TMEM108: variants seen among roughly 807,000 people sequenced by gnomAD.
The protein encoded by TMEM108 is transmembrane protein 108, also known as cancer/testis antigen 124.
Under a neutral mutation model 35.1 loss-of-function variants are expected in TMEM108, and 12 were observed. The ratio of observed to expected loss-of-function variants is 0.34; its 90% CI spans 0.22 to 0.55. The LOEUF (loss-of-function observed/expected upper bound fraction) is 0.55, where lower values mean the gene tolerates loss of function less well. Among genes scored for constraint, TMEM108 ranks in the 20% least tolerant of loss-of-function variants. The probability of loss-of-function intolerance (pLI) is 0.89; values close to 1 mark genes in which losing one functional copy is unlikely to be tolerated. For missense variants in TMEM108, 680 were observed against 753.3 expected, an observed-to-expected ratio of 0.90 and a Z score of 1.14; for synonymous variants, 287 against 308.6, an observed-to-expected ratio of 0.93 and a Z score of 0.73.
intron 3 of TMEM108, among the ~76,000 whole-genome samples, chr3:133,244,083 C>G (rs1432949519): frequency 1.3e-5 from 2 of 152,108 alleles, no homozygotes; most frequent in African/African-American, 4.8e-5. Flanking sequence ...CATCGGGTGA[C>G]AGAGTATTAT....
At chr3:133,227,690 A>G (rs1273080940) in intron 2 of TMEM108, among the ~76,000 whole-genome samples, 1 of 151,440 alleles carries the variant, frequency 6.6e-6, no homozygotes, top group Non-Finnish European at 1.5e-5. Context: ...AGGTCAGGAG[A>G]TCAAGACCAT....
intron 3 of TMEM108, among the ~76,000 whole-genome samples, chr3:133,235,388 C>T (rs1946220715): frequency 6.6e-6 from 1 of 152,180 alleles, no homozygotes; most frequent in Non-Finnish European, 1.5e-5. Flanking sequence ...CAGCATGGTA[C>T]TAGTACCAAA....
At chr3:133,350,969 T>C (rs1439500627) in intron 3 of TMEM108, among the ~76,000 whole-genome samples, 1 of 152,144 alleles carries the variant, frequency 6.6e-6, no homozygotes, top group Non-Finnish European at 1.5e-5. Flanking sequence ...TAAGTTATAT[T>C]ACAAAGCCTG....
At chr3:133,142,118 G>T (rs1944650035) in intron 2 of TMEM108, among the ~76,000 whole-genome samples, 1 of 152,074 alleles carries the variant, frequency 6.6e-6, no homozygotes, top group African/African-American at 2.4e-5. Flanking sequence ...ATTCTGGGGG[G>T]CAAAATTGTC....
At chr3:133,275,632 T>A (rs1052295027) in intron 3 of TMEM108, among the ~76,000 whole-genome samples, 3 of 152,230 alleles carry the variant, frequency 2.0e-5, no homozygotes, top group African/African-American at 7.2e-5. Flanking sequence ...GAATTTTTTA[T>A]GTTTTAAAAT....
chr3:133,063,962 A>G (rs1359875862), intron 2 of TMEM108, among the ~76,000 whole-genome samples: 2 of 152,186 alleles, frequency 1.3e-5, no homozygotes, highest in Non-Finnish European at 1.5e-5. Context: ...CACCACATAG[A>G]CAGCATTCCC....
At chr3:133,360,550 C>T (rs1008376105) in intron 3 of TMEM108, among the ~76,000 whole-genome samples, 1 of 152,160 alleles carries the variant, frequency 6.6e-6, no homozygotes, top group African/African-American at 2.4e-5. Context: ...TGCATTTGTT[C>T]TTTGTCCAAG....
intron 2 of TMEM108, among the ~76,000 whole-genome samples, chr3:133,176,516 G>C (rs1482652751): frequency 6.6e-6 from 1 of 152,126 alleles, no homozygotes; most frequent in Non-Finnish European, 1.5e-5. Context: ...CAGAAACTCA[G>C]TCAAAACTAC....
rs563084727 is a variant in TMEM108, at chr3:133,380,869, A to G, written c.1158A>G (p.Pro386=). ...PQGASTTPQA[P]THPSRVSEST... ...GAGCATCCACAACCCCACAAGCTCC[A>G]ACCCATCCCTCCAGGGTCTCAGAAA... is the stretch of plus-strand genomic sequence containing the variant. The change falls in exon 4 of 6, where the codon CCA becomes CCG. Residue 386 remains proline (P), a synonymous_variant. Coordinates refer to ENST00000321871, the MANE Select transcript of TMEM108 (RefSeq NM_023943.4). This position sits in a 1 kb window ranked among gnomAD's most constrained non-coding sequence, Gnocchi z 5.3. 20 of 1,614,166 alleles carry G rather than the reference A, an allele frequency of 1.2e-5. No homozygotes were observed. Among genetic ancestry groups the G allele is most frequent in the Middle Eastern group, 1.6e-4 (1 of 6,062 alleles).
In TMEM108 at chr3:133,050,755, A is replaced by G. The variant is rs999361117; in HGVS notation, c.-47+4735A>G. Among the ~76,000 whole-genome samples, 8 of 151,280 alleles carry G rather than the reference A, an allele frequency of 5.3e-5. No homozygotes were observed. The East Asian group carries it at 1.5e-3, about 29-fold the overall frequency. On this transcript the variant is annotated intron_variant, in intron 2 of 5. Transcript: ENST00000321871. Reference sequence around the variant, plus strand: ...ATAGTTTTGCCTTCTCTAGAATATCATGTAATATGTAGCCTTTTCAGATTG... The same window carrying G: ...ATAGTTTTGCCTTCTCTAGAATATCGTGTAATATGTAGCCTTTTCAGATTG...
intron 2 of TMEM108, among the ~76,000 whole-genome samples, chr3:133,159,082 C>T (rs1944923163): frequency 6.6e-6 from 1 of 152,188 alleles, no homozygotes; most frequent in Non-Finnish European, 1.5e-5. Context: ...AAAGGGAAAA[C>T]ATTATATTCA....
chr3:133,325,146 A>G (rs2071314788), intron 3 of TMEM108, among the ~76,000 whole-genome samples: 1 of 152,214 alleles, frequency 6.6e-6, no homozygotes. Flanking sequence ...AGAGCTACTC[A>G]GCCATAAAAA....
intron 2 of TMEM108, among the ~76,000 whole-genome samples, chr3:133,092,891 T>C (rs531932397): frequency 5.5e-4 from 83 of 152,244 alleles, no homozygotes; most frequent in Non-Finnish European, 1.0e-3. Flanking sequence ...TGTGTAATCA[T>C]CTAAAATAGT....
chr3:133,286,470 A>G (rs1290430302), intron 3 of TMEM108, among the ~76,000 whole-genome samples: 1 of 152,200 alleles, frequency 6.6e-6, no homozygotes, highest in Non-Finnish European at 1.5e-5. Flanking sequence ...AGTAGCCAGG[A>G]CTACAGGCAC....
Position 133,326,265 on chromosome 3 carries a change from C to G in TMEM108, c.41-53487C>G, listed in dbSNP as rs1389386486. Among the ~76,000 whole-genome samples, 6 of 152,260 alleles carry G rather than the reference C, an allele frequency of 3.9e-5. No homozygotes were observed. In the East Asian group the frequency reaches 1.2e-3, roughly 29 times the overall value. ...ACACATGTACTAGTGCCCCTTCCTG[C>G]CCTGGTTTATAGAGCTGACCTAGAC... On this transcript the variant is annotated intron_variant, in intron 3 of 5. Coordinates refer to ENST00000321871, the MANE Select transcript of TMEM108 (RefSeq NM_023943.4).
At chr3:133,100,651 T>C (rs956846432) in intron 2 of TMEM108, among the ~76,000 whole-genome samples, 2 of 152,152 alleles carry the variant, frequency 1.3e-5, no homozygotes, top group Non-Finnish European at 2.9e-5. Flanking sequence ...TAAGGATTTG[T>C]TCAATACCTC....
chr3:133,100,148 G>A (rs1944069320), intron 2 of TMEM108, among the ~76,000 whole-genome samples: 1 of 152,184 alleles, frequency 6.6e-6, no homozygotes, highest in Non-Finnish European at 1.5e-5. Context: ...AGAGAAAAAT[G>A]AGGAAGCAAA....
In TMEM108 at chr3:133,049,138, G is replaced by A. The variant is rs185651672; in HGVS notation, c.-47+3118G>A. Among the ~76,000 whole-genome samples the A allele has an allele frequency of 5.4e-4, 82 of 152,246 alleles. 1 individual carries two copies. The highest frequency in any genetic ancestry group is 1.0e-4 in the Non-Finnish European group (7 of 68,014). Reference sequence around the variant, plus strand: ...TGTGTGTGTTTATGATGGGGAGGGCGCAGATAAAGTATTTTTCCAGGTGGT... The same window carrying A: ...TGTGTGTGTTTATGATGGGGAGGGCACAGATAAAGTATTTTTCCAGGTGGT... On this transcript the variant is annotated intron_variant, in intron 2 of 5. Coordinates refer to ENST00000321871, the MANE Select transcript of TMEM108 (RefSeq NM_023943.4).
chr3:133,039,825 C>T (rs1943251346), intron 1 of TMEM108, among the ~76,000 whole-genome samples: 1 of 152,196 alleles, frequency 6.6e-6, no homozygotes, highest in South Asian at 2.1e-4. Context: ...CCCTTTATAG[C>T]TCTTACATTC....
Sources: gnomAD v4.1 joint callset for allele counts (sites outside exome capture counted in the v4.1 genomes callset) on GRCh38, gnomAD v4.1.1 for gene constraint, Gnocchi (gnomAD v3.1) non-coding constraint, MANE v1.5 for transcripts, NCBI Gene and HGNC (gene_info 2026-07-23, HGNC 2026-07-21) for gene names.